The following ADD2 variants were observed in gnomAD, a reference collection of about 807,000 sequenced individuals.
The protein encoded by ADD2 is beta-adducin.
Under a neutral mutation model 83.0 loss-of-function variants are expected in ADD2, and 23 were observed. The ratio of observed to expected loss-of-function variants is 0.28; its 90% CI spans 0.20 to 0.39. The LOEUF (loss-of-function observed/expected upper bound fraction) is 0.39. Ranked by LOEUF, ADD2 falls within the 10% of genes least tolerant of loss-of-function variation. The pLI is 1.00. For synonymous variants in ADD2, 375 were observed against 375.4 expected, an observed-to-expected ratio of 1.00 and a Z score of 0.01; for missense variants, 758 against 944.9, an observed-to-expected ratio of 0.80 and a Z score of 2.59.
intron 1 of ADD2, among the ~76,000 whole-genome samples, chr2:70,755,530 C>T (rs1671114137): frequency 6.6e-6 from 1 of 152,148 alleles, no homozygotes; most frequent in African/African-American, 2.4e-5. Context: ...CTCGTGGCAT[C>T]CCCAGCACTG....
At chr2:70,712,477 A>G (rs1419789138) in intron 2 of ADD2, among the ~76,000 whole-genome samples, 1 of 151,162 alleles carries the variant, frequency 6.6e-6, no homozygotes, top group South Asian at 2.1e-4. Context: ...AAAAAAAAAG[A>G]AACTGAATCA....
At chr2:70,673,223 T>C (rs1669981299) in intron 14 of ADD2, 2 of 1,613,434 alleles carry the variant, frequency 1.2e-6, no homozygotes, top group African/African-American at 2.7e-5. Context: ...CATGTTTCCT[T>C]CATCAAAACA....
At chr2:70,723,391 A>C (rs1672827921) in intron 1 of ADD2, among the ~76,000 whole-genome samples, 1 of 116,588 alleles carries the variant, frequency 8.6e-6, no homozygotes, top group Admixed American at 8.6e-5. Flanking sequence ...ACAACAATTG[A>C]ATTTTTTTTT....
rs1238526163 is a variant in ADD2 at position 70,657,591 on chromosome 2, A to G, written c.*5834T>C. On this transcript the variant is annotated 3_prime_UTR_variant, in exon 16 of 16. Transcript: ENST00000264436. ...CCCTGAAATATATTCCCATTTTATA[A>G]TGTGTTTCAAGTGTGGCCACTCTGC... 6.6e-6 allele frequency: 1 copy of G among 152,150 alleles called. No individual in the cohort carries two copies. Among genetic ancestry groups the G allele is most frequent in the Non-Finnish European group, 1.5e-5 (1 of 68,054 alleles). The allele number at this position is 152,150 out of a possible 1,614,324, so 9.4% of individuals were successfully genotyped here. A position where few individuals can be genotyped will look rare whatever the true frequency, so the allele number is the denominator to read the frequency against.
intron 1 of ADD2, among the ~76,000 whole-genome samples, chr2:70,747,781 T>C (rs1223059754): frequency 6.6e-6 from 1 of 152,224 alleles, no homozygotes. Context: ...TGGGAGCCAC[T>C]TATAATCTCA....
Position 70,672,871 on chromosome 2 carries a change from G to T in ADD2, c.1870+7C>A. On this transcript the variant is annotated splice_region_variant and intron_variant, in intron 15 of 15. Coordinates refer to ENST00000264436, the MANE Select transcript of ADD2 (RefSeq NM_001617.4). ...CCCTCCCTCCCAGCCTACTCAGCTGGACTCACCCTCTAAAGACTTGGAAGG... is the reference window on the plus strand; with the variant it reads ...CCCTCCCTCCCAGCCTACTCAGCTGTACTCACCCTCTAAAGACTTGGAAGG... 1 of 1,610,234 alleles carries T rather than the reference G, an allele frequency of 6.2e-7. No individual in the cohort carries two copies. The highest frequency in any genetic ancestry group is 8.5e-7 in the Non-Finnish European group (1 of 1,178,702).
At chr2:70,726,861 A>G (rs964328669) in intron 1 of ADD2, among the ~76,000 whole-genome samples, 2 of 152,216 alleles carry the variant, frequency 1.3e-5, no homozygotes, top group African/African-American at 4.8e-5. Context: ...ACGAAATCCA[A>G]CACAGGAATT....
Position 70,706,516 on chromosome 2 carries a change from G to T in ADD2, c.-34-74C>A, listed in dbSNP as rs1671914607. 1.0e-5 allele frequency: 14 copies of T among 1,345,668 alleles called. No individual in the cohort carries two copies. The highest frequency in any genetic ancestry group is 1.4e-5 in the Non-Finnish European group (14 of 994,854). 83.4% of individuals were successfully genotyped at this position (1,345,668 alleles called of 1,614,324 possible). ...GGGTACACGTTTCTCAGAGCACAGG[G>T]CTAGGTTCAGTTGGATTCTCAGTGG... is the stretch of plus-strand genomic sequence containing the variant. On this transcript the variant is annotated intron_variant, in intron 2 of 15. Transcript: ENST00000264436. The surrounding 1 kb of genome is among the most constrained non-coding windows in gnomAD (Gnocchi z 5.0).
intron 1 of ADD2, among the ~76,000 whole-genome samples, chr2:70,721,149 C>A (rs1553377271): frequency 6.6e-6 from 1 of 152,212 alleles, no homozygotes; most frequent in East Asian, 1.9e-4. Flanking sequence ...TATGTTGGAT[C>A]TCTGCTCTCT....
intron 1 of ADD2, among the ~76,000 whole-genome samples, chr2:70,719,527 T>C (rs1672628842): frequency 6.6e-6 from 1 of 152,124 alleles, no homozygotes; most frequent in Non-Finnish European, 1.5e-5. Context: ...CATGCCTTCA[T>C]GAAAGGGAAG....
Position 70,658,960 on chromosome 2 carries a change from T to G in ADD2, c.*4465A>C, listed in dbSNP as rs972317565. The G allele has an allele frequency of 6.6e-6, 1 of 151,878 alleles. No individual in the cohort carries two copies. The highest frequency in any genetic ancestry group is 1.5e-5 in the Non-Finnish European group (1 of 67,976). 9.4% of individuals were successfully genotyped at this position (151,878 alleles called of 1,614,324 possible). A position where few individuals can be genotyped will look rare whatever the true frequency, so the allele number is the denominator to read the frequency against. On this transcript the variant is annotated 3_prime_UTR_variant, in exon 16 of 16. Transcript: ENST00000264436. ...GAGTTCAAGACCAGCCTGGCCAACATGGTGAAACCCCGTCTCTACTAAAAA... is the reference window on the plus strand; with the variant it reads ...GAGTTCAAGACCAGCCTGGCCAACAGGGTGAAACCCCGTCTCTACTAAAAA...
intron 9 of ADD2, 43 bp from the exon 10 acceptor site, chr2:70,683,810 GTA>G: frequency 6.3e-7 from 1 of 1,583,884 alleles, no homozygotes; most frequent in Non-Finnish European, 8.6e-7. Flanking sequence ...GTGCACATGG[GTA>G]CCCTGCACTT....
intron 2 of ADD2, among the ~76,000 whole-genome samples, chr2:70,709,445 G>C (rs1672065103): frequency 6.6e-6 from 1 of 152,180 alleles, no homozygotes; most frequent in Non-Finnish European, 1.5e-5. Flanking sequence ...CATCTGAATG[G>C]AAAAAGAGTG....
chr2:70,687,881 C>T, intron 9 of ADD2, 143 bp downstream of exon 9: 1 of 623,202 alleles, frequency 1.6e-6, no homozygotes, highest in Non-Finnish European at 2.9e-6. Context: ...TAAGATGGTG[C>T]CAAGGCAGAG....
intron 3 of ADD2, 29 bp from the exon 4 acceptor site, chr2:70,704,488 C>T (rs1553374099): frequency 3.7e-6 from 6 of 1,612,018 alleles, no homozygotes; most frequent in Admixed American, 1.7e-5. Flanking sequence ...TGCTTGTCCC[C>T]CCACAGCCTC....
chr2:70,754,570 T>C (rs1674676138), intron 1 of ADD2, among the ~76,000 whole-genome samples: 1 of 151,902 alleles, frequency 6.6e-6, no homozygotes, highest in Non-Finnish European at 1.5e-5. Flanking sequence ...CCTCTCATTC[T>C]CCGAGGACTC....
At position 70,663,282 on chromosome 2, in the gene ADD2, C is replaced by G. The variant is rs1016876535; in HGVS notation, c.*143G>C. On this transcript the variant is annotated 3_prime_UTR_variant, in exon 16 of 16. Transcript: ENST00000264436. ...GGCAACTGTAAAACGAAGGGTTGGTCGGGTGATCTCTAAGTTCCCCTTCCG... is the reference window on the plus strand; with the variant it reads ...GGCAACTGTAAAACGAAGGGTTGGTGGGGTGATCTCTAAGTTCCCCTTCCG... 27 of 951,610 alleles carry G rather than the reference C, an allele frequency of 2.8e-5. No individual in the cohort carries two copies. Among genetic ancestry groups the G allele is most frequent in the Admixed American group, 1.9e-4 (7 of 37,766 alleles). The allele number at this position is 951,610 out of a possible 1,614,324, so 58.9% of individuals were successfully genotyped here.
At chr2:70,673,036 G>C in intron 14 of ADD2, 30 bp from the exon 15 acceptor site, 1 of 1,604,620 alleles carries the variant, frequency 6.2e-7, no homozygotes, top group Non-Finnish European at 8.5e-7. Flanking sequence ...CCTCAGGATA[G>C]AGGTCAAATA....
At chr2:70,743,215 G>C (rs1320872472) in intron 1 of ADD2, among the ~76,000 whole-genome samples, 5 of 152,172 alleles carry the variant, frequency 3.3e-5, no homozygotes, top group African/African-American at 2.4e-5. Context: ...TGGACATGAG[G>C]AATAGGGCAT....
Sources: gnomAD v4.1 joint callset for allele counts (sites outside exome capture counted in the v4.1 genomes callset) on GRCh38, gnomAD v4.1.1 for gene constraint, Gnocchi (gnomAD v3.1) non-coding constraint, MANE v1.5 for transcripts, NCBI Gene and HGNC (gene_info 2026-07-23, HGNC 2026-07-21) for gene names.